The following SH2D4B variants were observed in gnomAD, a reference collection of about 807,000 sequenced individuals.
SH2D4B encodes SH2 domain containing 4B.
A neutral mutation model predicts 61.5 loss-of-function variants in SH2D4B; 45 were observed. The observed-to-expected ratio is 0.73, with a 90% CI of 0.58 to 0.94. SH2D4B has a LOEUF of 0.94. Ranked by LOEUF, SH2D4B falls within the 40% of genes least tolerant of loss-of-function variation. The pLI is 0.00. For missense variants in SH2D4B, 572 were observed against 574.2 expected, an observed-to-expected ratio of 1.00 and a Z score of 0.04; for synonymous variants, 224 against 220.4, an observed-to-expected ratio of 1.02 and a Z score of -0.14.
At chr10:80,630,637 A>C (rs1187454204) in intron 6 of SH2D4B, among the ~76,000 whole-genome samples, 1 of 152,230 alleles carries the variant, frequency 6.6e-6, no homozygotes, top group Non-Finnish European at 1.5e-5. Context: ...GTTTTGGCCC[A>C]GAGAGGCACA....
In SH2D4B at chr10:80,644,829, G is replaced by C. The variant is rs557275771; in HGVS notation, c.*744G>C. 7 of 152,210 alleles carry C rather than the reference G, an allele frequency of 4.6e-5. No homozygotes were observed. The highest frequency in any genetic ancestry group is 8.8e-5 in the Non-Finnish European group (6 of 68,060). The allele number at this position is 152,210 out of a possible 1,614,324, so 9.4% of individuals were successfully genotyped here. ...GACCTGGGGTGAGTTATCAATGCAA[G>C]AATGGTTCTTAGAAATCTGATGAGG... On this transcript the variant is annotated 3_prime_UTR_variant, in exon 8 of 8. Transcript: ENST00000646907.
chr10:80,615,681 T>TG (rs1016235392), intron 6 of SH2D4B, among the ~76,000 whole-genome samples: 2 of 152,198 alleles, frequency 1.3e-5, no homozygotes, highest in Non-Finnish European at 2.9e-5. Flanking sequence ...TCCAAACCCC[T>TG]GTTCTTGGCT....
At chr10:80,549,059 TTGCTGTGATC>T (rs1238232647) in intron 1 of SH2D4B, among the ~76,000 whole-genome samples, 2 of 152,136 alleles carry the variant, frequency 1.3e-5, no homozygotes, top group Non-Finnish European at 2.9e-5. Context: ...ACACAGAGAA[TTGCTGTGATC>T]TGCTGGTAAC....
intron 3 of SH2D4B, among the ~76,000 whole-genome samples, chr10:80,583,082 C>T (rs777618369): frequency 6.6e-6 from 1 of 152,082 alleles, no homozygotes. Flanking sequence ...ATCAGACTGC[C>T]GAGAAAAACC....
At chr10:80,571,776 CTTTT>C (rs11394733) in intron 3 of SH2D4B, among the ~76,000 whole-genome samples, 198 bp downstream of exon 3, 1 of 135,636 alleles carries the variant, frequency 7.4e-6, no homozygotes, top group Non-Finnish European at 1.6e-5. Context: ...TTTTTTTTTT[CTTTT>C]TTTTTTTTTT....
At chr10:80,602,101 T>C (rs988948963) in intron 4 of SH2D4B, among the ~76,000 whole-genome samples, 18 of 152,178 alleles carry the variant, frequency 1.2e-4, no homozygotes, top group African/African-American at 4.3e-4. Flanking sequence ...CCATTTGAGA[T>C]TTAGAAGCAC....
chr10:80,581,144 C>T (rs1037052733), intron 3 of SH2D4B, among the ~76,000 whole-genome samples: 15 of 152,180 alleles, frequency 9.9e-5, no homozygotes, highest in Admixed American at 2.0e-4. Context: ...CTGAGATGGG[C>T]GGTTGCTGTA....
intron 6 of SH2D4B, among the ~76,000 whole-genome samples, chr10:80,629,733 C>T (rs1010809205): frequency 1.3e-5 from 2 of 152,160 alleles, no homozygotes; most frequent in Admixed American, 6.5e-5. Flanking sequence ...CTGTGCTAAA[C>T]GTATTCATGC....
At chr10:80,587,959 T>G (rs1247198368) in intron 3 of SH2D4B, among the ~76,000 whole-genome samples, 2 of 152,192 alleles carry the variant, frequency 1.3e-5, no homozygotes, top group African/African-American at 4.8e-5. Flanking sequence ...TTCTGTGGCA[T>G]TCCACCTGTT....
At chr10:80,616,551 T>C (rs1323130412) in intron 6 of SH2D4B, among the ~76,000 whole-genome samples, 1 of 152,112 alleles carries the variant, frequency 6.6e-6, no homozygotes, top group Non-Finnish European at 1.5e-5. Context: ...ATCAGCTATC[T>C]GTAGTTCTGG....
chr10:80,587,496 C>T (rs1842273725), intron 3 of SH2D4B, among the ~76,000 whole-genome samples: 1 of 152,134 alleles, frequency 6.6e-6, no homozygotes, highest in Non-Finnish European at 1.5e-5. Context: ...TCAAACTGGT[C>T]TCAAACTTCT....
chr10:80,618,037 C>T (rs1019833618), intron 6 of SH2D4B, among the ~76,000 whole-genome samples: 2 of 152,190 alleles, frequency 1.3e-5, no homozygotes, highest in Non-Finnish European at 2.9e-5. Context: ...GTGGAGAACA[C>T]CCTATTGGAA....
intron 5 of SH2D4B, among the ~76,000 whole-genome samples, chr10:80,605,011 T>G (rs1842501264): frequency 6.6e-6 from 1 of 152,190 alleles, no homozygotes; most frequent in Admixed American, 6.5e-5. Context: ...GCCAGGATGG[T>G]CTCGATTTCC....
chr10:80,634,535 G>T, intron 7 of SH2D4B, 30 bp downstream of exon 7: 2 of 1,544,440 alleles, frequency 1.3e-6, no homozygotes, highest in Non-Finnish European at 8.7e-7. Context: ...TAATGGGGGG[G>T]AGGGGGAACT....
chr10:80,572,945 AATATATATATATATATATATATAT>A (rs869061750), intron 3 of SH2D4B, among the ~76,000 whole-genome samples: 2,024 of 20,658 alleles, frequency 0.098, 171 homozygotes, highest in Middle Eastern at 0.12. Flanking sequence ...GTATGTTGCA[AATATATATATATATATATATATAT>A]ATATATATAT....
intron 1 of SH2D4B, among the ~76,000 whole-genome samples, chr10:80,564,808 T>C (rs1841944868): frequency 6.6e-6 from 1 of 152,258 alleles, no homozygotes; most frequent in South Asian, 2.1e-4. Flanking sequence ...AACATAACCA[T>C]TAATTTTGTG....
intron 6 of SH2D4B, among the ~76,000 whole-genome samples, chr10:80,616,604 C>G (rs199618645): frequency 2.1e-5 from 3 of 144,422 alleles, no homozygotes; most frequent in African/African-American, 5.3e-5. Flanking sequence ...ATGGGGCTGT[C>G]TGTCTGGTGC....
intron 4 of SH2D4B, among the ~76,000 whole-genome samples, chr10:80,595,397 T>C (rs1017704713): frequency 6.6e-6 from 1 of 152,222 alleles, no homozygotes. Flanking sequence ...CATATGTTTA[T>C]GCTGAAGCCC....
chr10:80,644,214 G>C lies in SH2D4B; in HGVS notation c.*129G>C. ...TCCAAAGGAAAAAGTAGATTAATAT[G>C]CCTCAAGGGATATGACATCTATGGC... On this transcript the variant is annotated 3_prime_UTR_variant, in exon 8 of 8. Transcript: ENST00000646907. The C allele has an allele frequency of 2.8e-6, 2 of 706,844 alleles. No homozygotes were observed. The highest frequency in any genetic ancestry group is 4.8e-6 in the Non-Finnish European group (2 of 415,544). The allele number at this position is 706,844 out of a possible 1,614,324, so 43.8% of individuals were successfully genotyped here.
Sources: allele counts gnomAD v4.1 joint callset (sites outside exome capture counted in the v4.1 genomes callset), GRCh38; gene constraint gnomAD v4.1.1; transcripts MANE v1.5; gene names NCBI Gene and HGNC (gene_info 2026-07-23, HGNC 2026-07-21).